TBL1XR1: variants seen among roughly 807,000 people sequenced by gnomAD.
TBL1XR1 encodes F-box-like/WD repeat-containing protein TBL1XR1.
A neutral mutation model predicts 66.9 loss-of-function variants in TBL1XR1; 5 were observed. The ratio of observed to expected loss-of-function variants is 0.07; its 90% CI spans 0.04 to 0.16. The LOEUF is 0.16. Ranked by LOEUF, TBL1XR1 falls within the 10% of genes least tolerant of loss-of-function variation. TBL1XR1 has a pLI of 1.00. For synonymous variants in TBL1XR1, 210 were observed against 206.0 expected (o/e 1.02, Z -0.17); for missense variants, 238 against 623.2 (o/e 0.38, Z 6.58).
intron 1 of TBL1XR1, among the ~76,000 whole-genome samples, chr3:177,191,316 T>C (rs1195803030): frequency 2.6e-5 from 4 of 151,960 alleles, no homozygotes; most frequent in African/African-American, 9.7e-5. Context: ...ATAAGAAAGG[T>C]TGCTCAGGGC....
chr3:177,142,353 T>A (rs931634152), intron 1 of TBL1XR1, among the ~76,000 whole-genome samples: 3 of 152,202 alleles, frequency 2.0e-5, no homozygotes, highest in African/African-American at 7.2e-5. Context: ...TTACACCTAC[T>A]CTTAATTACA....
At chr3:177,046,097 T>C (rs1183765778) in intron 10 of TBL1XR1, 32 bp downstream of exon 10, 1 of 1,498,294 alleles carries the variant, frequency 6.7e-7, no homozygotes, top group Admixed American at 2.5e-5. Context: ...AGAAGCAAGC[T>C]CCAGCTTTCA....
chr3:177,183,788 G>A (rs1735099251), intron 1 of TBL1XR1, among the ~76,000 whole-genome samples: 1 of 149,620 alleles, frequency 6.7e-6, no homozygotes, highest in South Asian at 2.2e-4. Context: ...TTTAAGAAAG[G>A]TACAATCTTC....
intron 1 of TBL1XR1, among the ~76,000 whole-genome samples, chr3:177,154,111 A>G (rs1041967694): frequency 1.4e-5 from 2 of 147,422 alleles, no homozygotes; most frequent in Middle Eastern, 6.3e-3. Flanking sequence ...CTGAATTTAA[A>G]AACAAACAAA....
intron 1 of TBL1XR1, among the ~76,000 whole-genome samples, chr3:177,106,076 C>A (rs937935380): frequency 1.3e-5 from 2 of 151,494 alleles, no homozygotes; most frequent in African/African-American, 4.9e-5. Flanking sequence ...CAAAAATGAA[C>A]AGAAAAGTAA....
intron 1 of TBL1XR1, among the ~76,000 whole-genome samples, chr3:177,162,163 A>G (rs1021188016): frequency 2.0e-5 from 3 of 152,262 alleles, no homozygotes; most frequent in Non-Finnish European, 2.9e-5. Context: ...AGAATAGCGC[A>G]ATGTTGAAAA....
chr3:177,121,809 T>C (rs547696834), intron 1 of TBL1XR1, among the ~76,000 whole-genome samples: 1 of 152,194 alleles, frequency 6.6e-6, no homozygotes, highest in East Asian at 1.9e-4. Context: ...GTCTGACACG[T>C]TTAGATACTG....
At chr3:177,194,991 C>A (rs1349669493) in intron 1 of TBL1XR1, among the ~76,000 whole-genome samples, 1 of 152,074 alleles carries the variant, frequency 6.6e-6, no homozygotes, top group Non-Finnish European at 1.5e-5. Flanking sequence ...AGCTTTGCAA[C>A]AATTTTTATG....
At chr3:177,027,031 T>C (rs1473313734) in intron 14 of TBL1XR1, 1 of 152,484 alleles carries the variant, frequency 6.6e-6, no homozygotes, top group Admixed American at 6.5e-5. Flanking sequence ...CAGGGTCTTG[T>C]TGTTACCCAG....
chr3:177,092,541 T>C (rs150654632), intron 2 of TBL1XR1, among the ~76,000 whole-genome samples: 208 of 152,168 alleles, frequency 1.4e-3, no homozygotes, highest in South Asian at 4.6e-3. Flanking sequence ...TTCAGAAAAA[T>C]TGAAGCTAAG....
rs56803746 is a variant in TBL1XR1, at chr3:177,172,633, AAG to A, written c.-122+24486_-122+24487del. ...AAGACCCTCATCTCAAGAAAGAGAG[AAG>A]AGAGAGAGAGAGAAAGAGAGAGAGA... On this transcript the variant is annotated intron_variant, in intron 1 of 15. Coordinates refer to ENST00000457928, the MANE Select transcript of TBL1XR1 (RefSeq NM_024665.7). Among the ~76,000 whole-genome samples, 4,040 of 117,556 alleles carry A rather than the reference AAG, an allele frequency of 0.034. 476 individuals are homozygous for A. The East Asian group carries it at 0.48, about 14-fold the overall frequency. 77.1% of individuals were successfully genotyped at this position (117,556 alleles called of 152,430 possible).
chr3:177,123,301 A>T (rs1727211279), intron 1 of TBL1XR1, among the ~76,000 whole-genome samples: 3 of 123,262 alleles, frequency 2.4e-5, no homozygotes. Flanking sequence ...TCAAGCCTTA[A>T]AAAGTTATAT....
chr3:177,168,470 C>G (rs1232703929), intron 1 of TBL1XR1, among the ~76,000 whole-genome samples: 2 of 151,964 alleles, frequency 1.3e-5, no homozygotes, highest in East Asian at 3.9e-4. Flanking sequence ...TTAGTAGAGG[C>G]GGGGTTTCAC....
In TBL1XR1 at chr3:177,043,563, A is replaced by G. The variant is rs114738054; in HGVS notation, c.925+2566T>C. ...ATAGCATGGTATTTATTTTTACATC[A>G]TTTTATTTTCAGCCTATTGATATTT... On this transcript the variant is annotated intron_variant, in intron 10 of 15. Coordinates refer to ENST00000457928, the MANE Select transcript of TBL1XR1 (RefSeq NM_024665.7). Among the ~76,000 whole-genome samples, 1,047 of 152,176 alleles carry G rather than the reference A, an allele frequency of 6.9e-3. 14 individuals carry two copies. The highest frequency in any genetic ancestry group is 0.024 in the African/African-American group (1,002 of 41,542).
intron 1 of TBL1XR1, among the ~76,000 whole-genome samples, chr3:177,111,470 T>C (rs1405124906): frequency 3.3e-5 from 5 of 151,992 alleles, no homozygotes; most frequent in East Asian, 1.9e-4. Flanking sequence ...ACAAAATAGC[T>C]GGGAGGATCG....
intron 1 of TBL1XR1, among the ~76,000 whole-genome samples, chr3:177,153,398 A>G (rs373654691): frequency 1.8e-4 from 27 of 152,212 alleles, no homozygotes; most frequent in African/African-American, 4.8e-4. Flanking sequence ...GCATGCACAT[A>G]TAAGACTTTT....
At chr3:177,066,006 G>A (rs2108543484) in intron 2 of TBL1XR1, among the ~76,000 whole-genome samples, 1 of 152,204 alleles carries the variant, frequency 6.6e-6, no homozygotes, top group East Asian at 1.9e-4. Context: ...TAAAAGGAAA[G>A]CGAGCTAGAT....
chr3:177,110,602 CTAAGCTGAATTTT>C (rs770957720), intron 1 of TBL1XR1, among the ~76,000 whole-genome samples: 34 of 152,064 alleles, frequency 2.2e-4, no homozygotes, highest in South Asian at 8.3e-4. Context: ...TATGAAGACA[CTAAGCTGAATTTT>C]TTCAATACCT....
chr3:177,179,150 G>C (rs1301230747), intron 1 of TBL1XR1, among the ~76,000 whole-genome samples: 1 of 150,298 alleles, frequency 6.7e-6, no homozygotes, highest in Non-Finnish European at 1.5e-5. Context: ...AAGATACTTG[G>C]GGCTGTGAAG....
Sources: gnomAD v4.1 joint callset for allele counts (sites outside exome capture counted in the v4.1 genomes callset) on GRCh38, gnomAD v4.1.1 for gene constraint, MANE v1.5 for transcripts, NCBI Gene and HGNC (gene_info 2026-07-23, HGNC 2026-07-21) for gene names.